ATG7: variants seen among roughly 807,000 people sequenced by gnomAD.
ATG7 encodes autophagy related 7.
Under a neutral mutation model 82.4 loss-of-function variants are expected in ATG7, and 70 were observed. The ratio of observed to expected loss-of-function variants is 0.85; its 90% CI spans 0.70 to 1.04. The LOEUF (loss-of-function observed/expected upper bound fraction) is 1.04. Among genes scored for constraint, ATG7 ranks in the 50% least tolerant of loss-of-function variants. The pLI, the probability that ATG7 is intolerant of heterozygous loss-of-function variation, is 0.00. For synonymous variants in ATG7, 287 were observed against 313.0 expected, an observed-to-expected ratio of 0.92 and a Z score of 0.88; for missense variants, 792 against 864.3, an observed-to-expected ratio of 0.92 and a Z score of 1.05.
chr3:11,381,217 C>T (rs1483968124), intron 19 of ATG7, among the ~76,000 whole-genome samples: 1 of 152,190 alleles, frequency 6.6e-6, no homozygotes, highest in Admixed American at 6.5e-5. Context: ...CTGCTCAAGC[C>T]AGGACCTCAA....
At chr3:11,328,111 A>T (rs1386112969) in intron 9 of ATG7, among the ~76,000 whole-genome samples, 1 of 152,254 alleles carries the variant, frequency 6.6e-6, no homozygotes, top group Non-Finnish European at 1.5e-5. Flanking sequence ...CCTGGTACAG[A>T]TAAAGATACA....
At chr3:11,394,098 G>A (rs780840716) in intron 19 of ATG7, among the ~76,000 whole-genome samples, 17 of 152,192 alleles carry the variant, frequency 1.1e-4, no homozygotes, top group Admixed American at 2.0e-4. Flanking sequence ...GTCATAGAAT[G>A]AGTAAATTAC....
At chr3:11,456,815 C>T (rs1159959619) in intron 20 of ATG7, among the ~76,000 whole-genome samples, 2 of 152,308 alleles carry the variant, frequency 1.3e-5, no homozygotes, top group East Asian at 1.9e-4. Flanking sequence ...TTCGCGTTCA[C>T]ACTGTATGTG....
At chr3:11,322,546 T>A (rs1950346102) in intron 9 of ATG7, among the ~76,000 whole-genome samples, 1 of 152,248 alleles carries the variant, frequency 6.6e-6, no homozygotes, top group Non-Finnish European at 1.5e-5. Context: ...TTTAATCCTG[T>A]GCATTTTTTA....
chr3:11,531,371 AG>A (rs1359717925), intron 20 of ATG7, among the ~76,000 whole-genome samples: 1 of 152,194 alleles, frequency 6.6e-6, no homozygotes, highest in Non-Finnish European at 1.5e-5. Context: ...CTTAGGTCTG[AG>A]CCTGTTTATG....
chr3:11,295,364 A>G (rs1945701611), intron 3 of ATG7, among the ~76,000 whole-genome samples: 1 of 152,142 alleles, frequency 6.6e-6, no homozygotes, highest in Non-Finnish European at 1.5e-5. Context: ...TCATTCATTC[A>G]AAATTGGATT....
At chr3:11,453,602 T>C (rs779946604) in intron 20 of ATG7, among the ~76,000 whole-genome samples, 2 of 152,234 alleles carry the variant, frequency 1.3e-5, no homozygotes, top group Non-Finnish European at 2.9e-5. Context: ...TTGTCTTCTA[T>C]GTGGGGCGAC....
chr3:11,400,281 A>G (rs1004488207), intron 19 of ATG7, among the ~76,000 whole-genome samples: 1 of 152,150 alleles, frequency 6.6e-6, no homozygotes, highest in Non-Finnish European at 1.5e-5. Flanking sequence ...CCCACACCAT[A>G]CTTAATTTAA....
intron 8 of ATG7, 70 bp from the exon 9 acceptor site, chr3:11,315,274 T>G (rs943717113): frequency 9.7e-6 from 13 of 1,344,108 alleles, no homozygotes; most frequent in African/African-American, 3.0e-5. Context: ...ACCTTTTTTT[T>G]GAGTTAGTTT....
rs755935140 is a variant in ATG7, at chr3:11,362,923, A to C, written c.1794A>C (p.Pro598=). Residue 598 remains proline (P), a synonymous_variant, in exon 17 of 21, where the codon CCA becomes CCC. Coordinates refer to ENST00000693202, the MANE Select transcript of ATG7 (RefSeq NM_001349232.2). ...TGATGGTATCTGTTTTGCAGCATCC[A>C]GAAGGGTGAGTTTGCTAGTAGGAGA... ...VELMVSVLQH[P]EGGYAIASSS... 1 of 1,613,582 alleles carries C rather than the reference A, an allele frequency of 6.2e-7. No homozygotes were observed. Among genetic ancestry groups the C allele is most frequent in the Non-Finnish European group, 8.5e-7 (1 of 1,179,796 alleles).
chr3:11,306,881 A>T, intron 5 of ATG7, 62 bp from the exon 6 acceptor site: 1 of 1,313,146 alleles, frequency 7.6e-7, no homozygotes, highest in Admixed American at 1.7e-5. Context: ...GTGGTGGTTG[A>T]CTTGTCTCTC....
rs60183965 is a variant in ATG7, at chr3:11,366,971, C to CTGTGTGTGTGTGTGTG, written c.1875+2265_1875+2280dup. Among the ~76,000 whole-genome samples the CTGTGTGTGTGTGTGTG allele has an allele frequency of 7.4e-4, 103 of 139,790 alleles. 1 individual carries two copies. Among genetic ancestry groups the CTGTGTGTGTGTGTGTG allele is most frequent in the African/African-American group, 1.9e-3 (71 of 37,570 alleles). The allele number at this position is 139,790 out of a possible 152,430, so 91.7% of individuals were successfully genotyped here. ...ATAACGCAGCCATATATGGGAAAAGCTGTGTGTGTGTGTGTGTGTGTGTGT... is the reference window on the plus strand; with the variant it reads ...ATAACGCAGCCATATATGGGAAAAGCTGTGTGTGTGTGTGTGTGTGTGTGTGTGTGTGTGTGTGTGT... On this transcript the variant is annotated intron_variant, in intron 18 of 20. Coordinates refer to ENST00000693202, the MANE Select transcript of ATG7 (RefSeq NM_001349232.2).
At chr3:11,507,458 A>G (rs1274832137) in intron 20 of ATG7, among the ~76,000 whole-genome samples, 1 of 152,324 alleles carries the variant, frequency 6.6e-6, no homozygotes, top group South Asian at 2.1e-4. Context: ...TCTAAAGGCT[A>G]TTTTTGTAAT....
the ATG7 span, among the ~76,000 whole-genome samples, chr3:11,565,533 T>C: frequency 3.3e-5 from 5 of 152,154 alleles, 1 homozygote; most frequent in African/African-American, 1.2e-4. This position sits in a 1 kb window ranked among gnomAD's most constrained non-coding sequence, Gnocchi z 4.1. Flanking sequence ...CACCATCCCC[T>C]TTCCAGACCA....
chr3:11,430,603 C>T (rs996661448), intron 20 of ATG7, among the ~76,000 whole-genome samples: 2 of 152,060 alleles, frequency 1.3e-5, no homozygotes, highest in South Asian at 2.1e-4. Flanking sequence ...TTATAAAATA[C>T]GTGTTTAAAA....
At chr3:11,571,913 C>T in the ATG7 span, among the ~76,000 whole-genome samples, 1 of 152,154 alleles carries the variant, frequency 6.6e-6, no homozygotes, top group African/African-American at 2.4e-5. Context: ...TCAAGACCAG[C>T]CTGGGAAACA....
intron 19 of ATG7, among the ~76,000 whole-genome samples, chr3:11,389,681 G>A (rs1335520692): frequency 1.3e-5 from 2 of 152,170 alleles, no homozygotes; most frequent in Admixed American, 6.5e-5. Context: ...CAGTACACAA[G>A]GGTGTATTCA....
At chr3:11,420,117 C>T (rs2081796873) in intron 19 of ATG7, among the ~76,000 whole-genome samples, 1 of 152,118 alleles carries the variant, frequency 6.6e-6, no homozygotes, top group East Asian at 1.9e-4. Flanking sequence ...GTTTTAAATA[C>T]ATTTTCCTTT....
rs937823068 is a variant in ATG7 at position 11,373,199 on chromosome 3, C to T, written c.1876-6773C>T. Among the ~76,000 whole-genome samples the T allele has an allele frequency of 3.3e-4, 47 of 141,104 alleles. 3 individuals carry two copies. The highest frequency in any genetic ancestry group is 1.3e-3 in the African/African-American group (47 of 37,482). The allele number at this position is 141,104 out of a possible 152,430, so 92.6% of individuals were successfully genotyped here. ...CTCCAAAAGGTAGAAAATTTACTTT[C>T]AGCAAGAGGCTTTAGTTTCCTGTGT... On this transcript the variant is annotated intron_variant, in intron 18 of 20. Coordinates refer to ENST00000693202, the MANE Select transcript of ATG7 (RefSeq NM_001349232.2).
Sources: gnomAD v4.1 joint callset for allele counts (sites outside exome capture counted in the v4.1 genomes callset) on GRCh38, gnomAD v4.1.1 for gene constraint, Gnocchi (gnomAD v3.1) non-coding constraint, MANE v1.5 for transcripts, NCBI Gene and HGNC (gene_info 2026-07-23, HGNC 2026-07-21) for gene names.